The following NTSR1 variants were observed in gnomAD, a reference collection of about 807,000 sequenced individuals.
NTSR1 encodes neurotensin receptor type 1.
NTSR1 carries 29 observed loss-of-function variants against 31.2 expected under a neutral mutation model. The observed-to-expected ratio is 0.93, with a 90% CI of 0.69 to 1.27. The LOEUF (loss-of-function observed/expected upper bound fraction) is 1.27. NTSR1 is among the 50% of genes most tolerant of loss of function. The pLI, the probability that NTSR1 is intolerant of heterozygous loss-of-function variation, is 0.00. For synonymous variants in NTSR1, 282 were observed against 269.9 expected (o/e 1.04, Z -0.44); for missense variants, 697 against 595.4 (o/e 1.17, Z -1.78).
At position 62,754,899 on chromosome 20, in the gene NTSR1, T is replaced by C. The variant is rs780360452; in HGVS notation, c.916+13T>C. 39 of 1,580,924 alleles carry C rather than the reference T, an allele frequency of 2.5e-5. No homozygotes were observed. The highest frequency in any genetic ancestry group is 3.3e-5 in the Non-Finnish European group (38 of 1,167,004). On this transcript the variant is annotated intron_variant, in intron 2 of 3. Transcript: ENST00000370501. ...GTGCGCGTCCTACGTACGTAACCTC[T>C]GGGCCCTCCAGGGGCGGGAGGCAGG... is the stretch of plus-strand genomic sequence containing the variant.
rs956873228 is a variant in NTSR1 at position 62,723,528 on chromosome 20, C to T, written c.714+13607C>T. Among the ~76,000 whole-genome samples the T allele has an allele frequency of 5.3e-5, 8 of 152,198 alleles. No homozygotes were observed. The East Asian group carries it at 9.6e-4, about 18-fold the overall frequency. On this transcript the variant is annotated intron_variant, in intron 1 of 3. Transcript: ENST00000370501. ...GATGTGCACAGTAGGAAGCGGCTGTCGGGGGTCACTATTTATTGCCTGGAG... is the reference window on the plus strand; with the variant it reads ...GATGTGCACAGTAGGAAGCGGCTGTTGGGGGTCACTATTTATTGCCTGGAG...
Position 62,744,471 on chromosome 20 carries a change from C to T in NTSR1, c.715-10214C>T, listed in dbSNP as rs569461970. Among the ~76,000 whole-genome samples the T allele has an allele frequency of 1.5e-4, 22 of 151,582 alleles. No individual in the cohort carries two copies. Among genetic ancestry groups the T allele is most frequent in the African/African-American group, 4.6e-4 (19 of 41,284 alleles). Reference sequence around the variant, plus strand: ...TGGGGAGACTGAGGCAGGAGAATGGCGTGAACCCGGGAGGTGGAGCTTGCA... The same window carrying T: ...TGGGGAGACTGAGGCAGGAGAATGGTGTGAACCCGGGAGGTGGAGCTTGCA... On this transcript the variant is annotated intron_variant, in intron 1 of 3. Coordinates refer to ENST00000370501, the MANE Select transcript of NTSR1 (RefSeq NM_002531.3). This position sits in a 1 kb window ranked among gnomAD's most constrained non-coding sequence, Gnocchi z 4.1.
chr20:62,714,734 C>T lies in NTSR1; in HGVS notation c.714+4813C>T, dbSNP rs1397272509. 1.3e-5 allele frequency among the ~76,000 whole-genome samples: 2 copies of T among 152,208 alleles called. No homozygotes were observed. The highest frequency in any genetic ancestry group is 2.9e-5 in the Non-Finnish European group (2 of 68,036). ...AAGAAACAGCTCCAAATAAACAACT[C>T]GTTCTGTTCTACAAACAGTGAGGGA... On this transcript the variant is annotated intron_variant, in intron 1 of 3. Transcript: ENST00000370501. This position sits in a 1 kb window ranked among gnomAD's most constrained non-coding sequence, Gnocchi z 4.1.
At chr20:62,722,528 C>T (rs912657639) in intron 1 of NTSR1, among the ~76,000 whole-genome samples, 4 of 152,204 alleles carry the variant, frequency 2.6e-5, no homozygotes, top group Non-Finnish European at 4.4e-5. Flanking sequence ...TTCTGAGGAC[C>T]GTCACCATGC....
At chr20:62,723,984 A>C (rs1215927924) in intron 1 of NTSR1, among the ~76,000 whole-genome samples, 1 of 152,178 alleles carries the variant, frequency 6.6e-6, no homozygotes, top group Non-Finnish European at 1.5e-5. Flanking sequence ...GGCCATGGGC[A>C]AGAGGTCTGG....
Position 62,711,461 on chromosome 20 carries a change from G to A in NTSR1, c.714+1540G>A, listed in dbSNP as rs940347076. Among the ~76,000 whole-genome samples the A allele has an allele frequency of 7.2e-5, 11 of 152,162 alleles. No individual in the cohort carries two copies. Among genetic ancestry groups the A allele is most frequent in the Admixed American group, 3.3e-4 (5 of 15,286 alleles). ...GTCCGCGTGGAGGGGCCCCAGGGGC[G>A]ACAGCCACTCAGTCCTTCAGAAGGT... is the stretch of plus-strand genomic sequence containing the variant. On this transcript the variant is annotated intron_variant, in intron 1 of 3. Transcript: ENST00000370501. This position sits in a 1 kb window ranked among gnomAD's most constrained non-coding sequence, Gnocchi z 6.4.
intron 2 of NTSR1, among the ~76,000 whole-genome samples, chr20:62,757,983 G>T (rs1052244870): frequency 1.3e-5 from 2 of 151,112 alleles, no homozygotes. Flanking sequence ...TGCCTCAGGT[G>T]CAGTGGGTCT....
Position 62,760,058 on chromosome 20 carries a change from A to ATGT in NTSR1, c.1048_1049insTGT (p.Asn350delinsMetTyr), listed in dbSNP as rs1220207855. 5 of 1,614,046 alleles carry ATGT rather than the reference A, an allele frequency of 3.1e-6. No individual in the cohort carries two copies. In the Admixed American group the frequency reaches 8.3e-5, roughly 27 times the overall value. ...CTACCACTACTTCTACATGGTGACCAACGCACTCTTCTACGTCAGCTCCAC... is the reference window on the plus strand; with the variant it reads ...CTACCACTACTTCTACATGGTGACCATGTACGCACTCTTCTACGTCAGCTCCAC... On this transcript the variant is annotated protein_altering_variant, in exon 4 of 4. Transcript: ENST00000370501.
chr20:62,753,384 A>G (rs959391120), intron 1 of NTSR1, among the ~76,000 whole-genome samples: 1 of 152,184 alleles, frequency 6.6e-6, no homozygotes, highest in Non-Finnish European at 1.5e-5. Context: ...TGTTGAGGCC[A>G]TGTGGCTCTG....
At chr20:62,724,227 C>T (rs771763373) in intron 1 of NTSR1, among the ~76,000 whole-genome samples, 72 of 152,326 alleles carry the variant, frequency 4.7e-4, no homozygotes, top group Admixed American at 1.6e-3. Context: ...CAGAGGGCAG[C>T]AGCTCTCAGC....
intron 1 of NTSR1, among the ~76,000 whole-genome samples, chr20:62,751,701 C>T (rs149507845): frequency 4.9e-4 from 74 of 152,378 alleles, no homozygotes; most frequent in Middle Eastern, 3.4e-3. Context: ...CCTACCCAGG[C>T]CTTTTGGGAT....
At position 62,709,308 on chromosome 20, in the gene NTSR1, G is replaced by GCTT; in HGVS notation, c.103_105dup (p.Phe35dup). 6.2e-7 allele frequency: 1 copy of GCTT among 1,603,682 alleles called. No individual in the cohort carries two copies. Among genetic ancestry groups the GCTT allele is most frequent in the African/African-American group, 1.3e-5 (1 of 74,882 alleles). ...CTGGAGGAGGCGCTGCTGGCCCCGG[G>GCTT]CTTCGGCAACGCTTCGGGCAACGCG... On this transcript the variant is annotated inframe_insertion, in exon 1 of 4. Transcript: ENST00000370501.
Position 62,709,506 on chromosome 20 carries a change from C to G in NTSR1, c.299C>G (p.Thr100Arg). The stretch of plus-strand genomic sequence containing the variant: ...AAGTCGCTGCAGAGCCTGCAGAGCA[C>G]GGTGCATTACCACCTGGGCAGCCTG... Reference protein sequence around the residue: ...RKKSLQSLQSTVHYHLGSLAL... With the variant: ...RKKSLQSLQSRVHYHLGSLAL... The change falls in exon 1 of 4, where the codon ACG becomes AGG. Residue 100 changes from threonine (T) to arginine (R), a missense_variant. By Grantham distance (71) the Thr-to-Arg change is moderately conservative. Coordinates refer to ENST00000370501, the MANE Select transcript of NTSR1 (RefSeq NM_002531.3). 1 of 1,612,542 alleles carries G rather than the reference C, an allele frequency of 6.2e-7. No homozygotes were observed. The highest frequency in any genetic ancestry group is 8.5e-7 in the Non-Finnish European group (1 of 1,179,860).
At chr20:62,755,086 T>TTCCCTCCCTCCATCCATCCATCCTTCCC (rs1989462184) in intron 2 of NTSR1, among the ~76,000 whole-genome samples, 200 bp downstream of exon 2, 1 of 144,254 alleles carries the variant, frequency 6.9e-6, no homozygotes, top group Non-Finnish European at 1.5e-5. Context: ...CCATCTATCC[T>TTCCCTCCCTCCATCCATCCATCCTTCCC]TCCCTCCCTC....
At chr20:62,710,465 G>A (rs949974317) in intron 1 of NTSR1, among the ~76,000 whole-genome samples, 3 of 152,340 alleles carry the variant, frequency 2.0e-5, no homozygotes, top group East Asian at 3.9e-4. Context: ...AGAAGGTAGA[G>A]CATTGGAGAG....
rs946909077 is a variant in NTSR1 at position 62,741,416 on chromosome 20, G to A, written c.715-13269G>A. On this transcript the variant is annotated intron_variant, in intron 1 of 3. Transcript: ENST00000370501. This position sits in a 1 kb window ranked among gnomAD's most constrained non-coding sequence, Gnocchi z 4.3. Reference sequence around the variant, plus strand: ...CAAACCTCTTGCAGAGGTGACGGGTGACTCACCAGCCCCGCTCAGAGGACG... The same window carrying A: ...CAAACCTCTTGCAGAGGTGACGGGTAACTCACCAGCCCCGCTCAGAGGACG... Among the ~76,000 whole-genome samples, 1 of 149,734 alleles carries A rather than the reference G, an allele frequency of 6.7e-6. No individual in the cohort carries two copies. The highest frequency in any genetic ancestry group is 2.5e-5 in the African/African-American group (1 of 40,164).
chr20:62,713,015 C>T (rs1988647020), intron 1 of NTSR1, among the ~76,000 whole-genome samples: 2 of 152,148 alleles, frequency 1.3e-5, no homozygotes, highest in Admixed American at 6.5e-5. Flanking sequence ...TTCAGGTGTC[C>T]GATTCAAATC....
chr20:62,722,781 G>A (rs551178248), intron 1 of NTSR1, among the ~76,000 whole-genome samples: 40 of 152,314 alleles, frequency 2.6e-4, no homozygotes, highest in African/African-American at 8.2e-4. Context: ...CTGATACATC[G>A]TGTACAATTT....
intron 1 of NTSR1, among the ~76,000 whole-genome samples, chr20:62,724,100 T>C (rs1245666190): frequency 6.6e-6 from 1 of 151,996 alleles, no homozygotes; most frequent in Non-Finnish European, 1.5e-5. Flanking sequence ...GGGTTGAGGG[T>C]CCAAGATTCT....
Sources: allele counts gnomAD v4.1 joint callset (sites outside exome capture counted in the v4.1 genomes callset), GRCh38; gene constraint gnomAD v4.1.1; non-coding constraint Gnocchi (gnomAD v3.1); transcripts MANE v1.5; gene names NCBI Gene and HGNC (gene_info 2026-07-23, HGNC 2026-07-21).